Variants in OR4D9 observed in about 807,000 individuals in gnomAD.
OR4D9 encodes the protein olfactory receptor family 4 subfamily D member 9.
A neutral mutation model predicts 0.8 loss-of-function variants in OR4D9; 2 were observed. The observed-to-expected ratio is 2.58, with a 90% CI of 1.06 to 8.13. OR4D9 has a LOEUF of 8.13. Ranked by LOEUF, OR4D9 falls within the 30% of genes most tolerant of loss-of-function variation. The pLI, the probability that OR4D9 is intolerant of heterozygous loss-of-function variation, is 0.04. For synonymous variants in OR4D9, 146 were observed against 151.2 expected (o/e 0.97, Z 0.25); for missense variants, 399 against 384.7 (o/e 1.04, Z -0.31).
At position 59,515,358 on chromosome 11, in the gene OR4D9, G is replaced by T. The variant is rs966255217; in HGVS notation, c.446G>T (p.Trp149Leu). 1 of 1,613,842 alleles carries T rather than the reference G, an allele frequency of 6.2e-7. No homozygotes were observed. The highest frequency in any genetic ancestry group is 1.3e-5 in the African/African-American group (1 of 74,864). ...TGCACAGGCCTCATCGTGGCTTCCT[G>T]GGTGGGGGGCTTTGTCCACTCCATA... ...GRCTGLIVAS[W>L]VGGFVHSIAQ... is the part of the protein sequence containing the mutation. The change falls in exon 3 of 3, where the codon TGG becomes TTG. Residue 149 changes from tryptophan to leucine, a missense_variant. Coordinates refer to ENST00000641962, the MANE Select transcript of OR4D9 (RefSeq NM_001004711.2).
At chr11:59,514,211 T>C (rs1162744937) in intron 1 of OR4D9, among the ~76,000 whole-genome samples, 2 of 152,228 alleles carry the variant, frequency 1.3e-5, no homozygotes, top group Non-Finnish European at 2.9e-5. Flanking sequence ...AAAGTGGTTA[T>C]ACCAATTTTA....
At position 59,515,429 on chromosome 11, in the gene OR4D9, G is replaced by C; in HGVS notation, c.517G>C (p.Val173Leu). The change falls in exon 3 of 3, where the codon GTT becomes CTT. Residue 173 changes from valine (V) to leucine (L), a missense_variant. Val to Leu is a conservative substitution (Grantham distance 32, BLOSUM62 1). Transcript: ENST00000641962. Reference sequence around the variant, plus strand: ...CCCACTCCCTTTCTGTGGACCCAATGTTCTTGACACTTTCTACTGCGATGT... The same window carrying C: ...CCCACTCCCTTTCTGTGGACCCAATCTTCTTGACACTTTCTACTGCGATGT... ...LLPLPFCGPN[V>L]LDTFYCDVPQ... is the part of the protein sequence containing the mutation. 6.2e-7 allele frequency: 1 copy of C among 1,614,012 alleles called. No individual in the cohort carries two copies. The highest frequency in any genetic ancestry group is 1.1e-5 in the South Asian group (1 of 91,074).
At position 59,517,929 on chromosome 11, in the gene OR4D9, G is replaced by A. The variant is rs561645569; in HGVS notation, c.*2072G>A. On this transcript the variant is annotated 3_prime_UTR_variant, in exon 3 of 3. Coordinates refer to ENST00000641962, the MANE Select transcript of OR4D9 (RefSeq NM_001004711.2). ...AGGCAGATGCCAAGCTCTCAAATGG[G>A]AAGCAACTGACTCCCCCTTATATAG... 2.0e-5 allele frequency: 3 copies of A among 152,254 alleles called. No individual in the cohort carries two copies. Among genetic ancestry groups the A allele is most frequent in the African/African-American group, 7.2e-5 (3 of 41,538 alleles). The allele number at this position is 152,254 out of a possible 1,614,324, so 9.4% of individuals were successfully genotyped here.
At position 59,515,546 on chromosome 11, in the gene OR4D9, T is replaced by C. The variant is rs1271243714; in HGVS notation, c.634T>C (p.Phe212Leu). 6.2e-7 allele frequency: 1 copy of C among 1,614,212 alleles called. No homozygotes were observed. Among genetic ancestry groups the C allele is most frequent in the Admixed American group, 1.7e-5 (1 of 60,024 alleles). The change falls in exon 3 of 3, where the codon TTC becomes CTC. Residue 212 changes from phenylalanine (F) to leucine (L), a missense_variant. Phe to Leu is a conservative substitution (Grantham distance 22, BLOSUM62 0). Coordinates refer to ENST00000641962, the MANE Select transcript of OR4D9 (RefSeq NM_001004711.2). Reference protein sequence around the residue: ...NNGLVSWFVFFFLLISYTVIL... With the variant: ...NNGLVSWFVFLFLLISYTVIL... ...TGGGTTAGTCAGTTGGTTTGTATTCTTCTTTCTCCTCATATCTTACACGGT... is the reference window on the plus strand; with the variant it reads ...TGGGTTAGTCAGTTGGTTTGTATTCCTCTTTCTCCTCATATCTTACACGGT...
chr11:59,515,228 C>G lies in OR4D9; in HGVS notation c.316C>G (p.Leu106Val). 1 of 1,613,980 alleles carries G rather than the reference C, an allele frequency of 6.2e-7. No individual in the cohort carries two copies. The highest frequency in any genetic ancestry group is 8.5e-7 in the Non-Finnish European group (1 of 1,180,004). Residue 106 changes from leucine to valine, a missense_variant, in exon 3 of 3, where the codon CTT (leucine) becomes GTT (valine). Coordinates refer to ENST00000641962, the MANE Select transcript of OR4D9 (RefSeq NM_001004711.2). ...GCVTQMFFFHLLGGADVFSLS... is the reference protein window; with the variant it reads ...GCVTQMFFFHVLGGADVFSLS... ...TGTCACTCAAATGTTCTTCTTCCAC[C>G]TTCTGGGGGGAGCAGACGTTTTTTC... is the stretch of plus-strand genomic sequence containing the variant.
rs1034453157 is a variant in OR4D9, at chr11:59,512,730, G to A, written c.-125+984G>A. 2.6e-5 allele frequency among the ~76,000 whole-genome samples: 4 copies of A among 151,676 alleles called. No homozygotes were observed. The South Asian group carries it at 8.3e-4, about 32-fold the overall frequency. ...ACCTGTAGTCCCAGCTACTGGGGAG[G>A]CTGAGGTGGGAGGATCAATTGAGCC... On this transcript the variant is annotated intron_variant, in intron 1 of 2. Transcript: ENST00000641962.
In OR4D9 at chr11:59,515,173, A is replaced by ACT; in HGVS notation, c.261_262insCT (p.Glu88LeufsTer31). On this transcript the variant is annotated frameshift_variant, in exon 3 of 3. Transcript: ENST00000641962. LOFTEE classifies it low-confidence loss of function (END_TRUNC). ...CTAAGGTCCTGATAGATCTTCTATC[A>ACT]GAGACAAAAACCATCTCCTTCAGTG... The ACT allele has an allele frequency of 6.2e-7, 1 of 1,614,152 alleles. No homozygotes were observed. The highest frequency in any genetic ancestry group is 8.5e-7 in the Non-Finnish European group (1 of 1,180,026).
Position 59,513,005 on chromosome 11 carries a change from TTGTTAG to T in OR4D9, c.-125+1261_-125+1266del, listed in dbSNP as rs1180522967. 6.6e-5 allele frequency among the ~76,000 whole-genome samples: 10 copies of T among 152,382 alleles called. No individual in the cohort carries two copies. The East Asian group carries it at 1.5e-3, about 23-fold the overall frequency. On this transcript the variant is annotated intron_variant, in intron 1 of 2. Coordinates refer to ENST00000641962, the MANE Select transcript of OR4D9 (RefSeq NM_001004711.2). Reference sequence around the variant, plus strand: ...GTGTTATAAATGATAAATGTTATGTTTGTTAGTTAAAACTTTATACTGAAGTATGAT... The same window carrying T: ...GTGTTATAAATGATAAATGTTATGTTTTAAAACTTTATACTGAAGTATGAT...
Position 59,515,575 on chromosome 11 carries a change from C to A in OR4D9, c.663C>A (p.Ile221=). 6.2e-7 allele frequency: 1 copy of A among 1,614,174 alleles called. No individual in the cohort carries two copies. Among genetic ancestry groups the A allele is most frequent in the Non-Finnish European group, 8.5e-7 (1 of 1,180,038 alleles). ...TTCTCCTCATATCTTACACGGTCAT[C>A]TTGATGATGCTGAGGTCTCACACTG... ...FFFLLISYTV[I]LMMLRSHTGE... The change falls in exon 3 of 3, where the codon ATC becomes ATA. Residue 221 remains isoleucine (I), a synonymous_variant. Transcript: ENST00000641962.
chr11:59,514,461 T>C (rs1859372919), intron 1 of OR4D9, among the ~76,000 whole-genome samples: 1 of 152,222 alleles, frequency 6.6e-6, no homozygotes, highest in Admixed American at 6.5e-5. Flanking sequence ...AGAGGCTCTT[T>C]ATATATTCTG....
chr11:59,517,511 A>G lies in OR4D9; in HGVS notation c.*1654A>G, dbSNP rs889587432. 6 of 152,222 alleles carry G rather than the reference A, an allele frequency of 3.9e-5. No individual in the cohort carries two copies. 9.4% of individuals were successfully genotyped at this position (152,222 alleles called of 1,614,324 possible). ...AATTTCCTCCTAGGAGAAGGAAATA[A>G]TGCTGTTAGTGAGAGTGTTCATAAA... On this transcript the variant is annotated 3_prime_UTR_variant, in exon 3 of 3. Coordinates refer to ENST00000641962, the MANE Select transcript of OR4D9 (RefSeq NM_001004711.2).
rs1298819205 is a variant in OR4D9, at chr11:59,520,606, A to T, written c.*4749A>T. 2.0e-5 allele frequency: 3 copies of T among 152,172 alleles called. No individual in the cohort carries two copies. The highest frequency in any genetic ancestry group is 2.9e-5 in the Non-Finnish European group (2 of 68,032). The allele number at this position is 152,172 out of a possible 1,614,324, so 9.4% of individuals were successfully genotyped here. ...GCACATGTACCCTAAAACTTAAAGT[A>T]TAATAATAACAAAAAAAAGAAAAGA... On this transcript the variant is annotated 3_prime_UTR_variant, in exon 3 of 3. Transcript: ENST00000641962.
At position 59,517,690 on chromosome 11, in the gene OR4D9, G is replaced by A. The variant is rs1040847619; in HGVS notation, c.*1833G>A. 1 of 152,172 alleles carries A rather than the reference G, an allele frequency of 6.6e-6. No individual in the cohort carries two copies. The highest frequency in any genetic ancestry group is 1.5e-5 in the Non-Finnish European group (1 of 68,060). The allele number at this position is 152,172 out of a possible 1,614,324, so 9.4% of individuals were successfully genotyped here. Reference sequence around the variant, plus strand: ...ACTAAAAATACAAAAATTAAGCCGGGTGTGGTGGTAAGCGCCTGTAATCCC... The same window carrying A: ...ACTAAAAATACAAAAATTAAGCCGGATGTGGTGGTAAGCGCCTGTAATCCC... On this transcript the variant is annotated 3_prime_UTR_variant, in exon 3 of 3. Coordinates refer to ENST00000641962, the MANE Select transcript of OR4D9 (RefSeq NM_001004711.2).
Position 59,516,745 on chromosome 11 carries a change from C to T in OR4D9, c.*888C>T, listed in dbSNP as rs1859410104. The T allele has an allele frequency of 6.6e-6, 1 of 151,978 alleles. No individual in the cohort carries two copies. Among genetic ancestry groups the T allele is most frequent in the African/African-American group, 2.4e-5 (1 of 41,350 alleles). The allele number at this position is 151,978 out of a possible 1,614,324, so 9.4% of individuals were successfully genotyped here. On this transcript the variant is annotated 3_prime_UTR_variant, in exon 3 of 3. Transcript: ENST00000641962. Reference sequence around the variant, plus strand: ...AAGAGTTCAAGACCAGCCTGGGCAACTTAGTGAAACCTCATCTCTACAAAA... The same window carrying T: ...AAGAGTTCAAGACCAGCCTGGGCAATTTAGTGAAACCTCATCTCTACAAAA...
At chr11:59,513,417 T>C (rs1565093121) in intron 1 of OR4D9, among the ~76,000 whole-genome samples, 1 of 152,178 alleles carries the variant, frequency 6.6e-6, no homozygotes, top group South Asian at 2.1e-4. Flanking sequence ...GAAGCCTCCC[T>C]TAGGCTCCCT....
Position 59,518,767 on chromosome 11 carries a change from G to A in OR4D9, c.*2910G>A, listed in dbSNP as rs1859437390. 2 of 152,346 alleles carry A rather than the reference G, an allele frequency of 1.3e-5. No individual in the cohort carries two copies. Among genetic ancestry groups the A allele is most frequent in the Admixed American group, 1.3e-4 (2 of 15,286 alleles). 9.4% of individuals were successfully genotyped at this position (152,346 alleles called of 1,614,324 possible). On this transcript the variant is annotated 3_prime_UTR_variant, in exon 3 of 3. Transcript: ENST00000641962. Reference sequence around the variant, plus strand: ...CATCCAGCAGATAGAGAAAGGGAGAGAAATTAAGAATTATGGGGAAGGGAG... The same window carrying A: ...CATCCAGCAGATAGAGAAAGGGAGAAAAATTAAGAATTATGGGGAAGGGAG...
Position 59,512,426 on chromosome 11 carries a change from G to A in OR4D9, c.-125+680G>A, listed in dbSNP as rs192495858. 3.6e-3 allele frequency among the ~76,000 whole-genome samples: 506 copies of A among 141,794 alleles called. 3 individuals carry two copies. The highest frequency in any genetic ancestry group is 0.013 in the African/African-American group (468 of 37,434). The allele number at this position is 141,794 out of a possible 152,430, so 93.0% of individuals were successfully genotyped here. A position where few individuals can be genotyped will look rare whatever the true frequency, so the allele number is the denominator to read the frequency against. On this transcript the variant is annotated intron_variant, in intron 1 of 2. Transcript: ENST00000641962. ...TGGGAGGCGGAGCTTGCAGTGAGCC[G>A]AGATTGTGCCACTGCACTCCAGCCT...
intron 1 of OR4D9, among the ~76,000 whole-genome samples, chr11:59,512,896 G>A (rs373173117): frequency 3.3e-5 from 5 of 152,108 alleles, no homozygotes; most frequent in South Asian, 2.1e-4. Context: ...CTATAACCAC[G>A]TAACTATAAA....
rs938824582 is a variant in OR4D9, at chr11:59,511,580, G to C, written c.-291G>C. On this transcript the variant is annotated 5_prime_UTR_variant, in exon 1 of 3. Transcript: ENST00000641962. ...CTACTTCTTCTAAAATGCAGCTGAG[G>C]CATCATAAGAGGATCAATTTCCCAC... 6.6e-6 allele frequency: 1 copy of C among 152,182 alleles called. No homozygotes were observed. The highest frequency in any genetic ancestry group is 1.5e-5 in the Non-Finnish European group (1 of 68,036). The allele number at this position is 152,182 out of a possible 1,614,324, so 9.4% of individuals were successfully genotyped here.
Sources: gnomAD v4.1 joint callset for allele counts (sites outside exome capture counted in the v4.1 genomes callset) on GRCh38, gnomAD v4.1.1 for gene constraint, MANE v1.5 for transcripts, NCBI Gene and HGNC (gene_info 2026-07-23, HGNC 2026-07-21) for gene names.